Variants in DDX10 observed in about 807,000 individuals in gnomAD.
DDX10 encodes probable ATP-dependent RNA helicase DDX10.
In DDX10, 74 loss-of-function variants were observed where a neutral mutation model predicts 104.3. The observed-to-expected ratio is 0.71, with a 90% CI of 0.59 to 0.86. The LOEUF (loss-of-function observed/expected upper bound fraction) is 0.86, where lower values mean the gene tolerates loss of function less well. Ranked by LOEUF, DDX10 falls within the 40% of genes least tolerant of loss-of-function variation. DDX10 has a pLI of 0.00. For synonymous variants in DDX10, 351 were observed against 353.4 expected, an observed-to-expected ratio of 0.99 and a Z score of 0.08; for missense variants, 952 against 1,040.0, an observed-to-expected ratio of 0.92 and a Z score of 1.16.
intron 13 of DDX10, among the ~76,000 whole-genome samples, chr11:108,806,885 C>T (rs1488869215): frequency 1.3e-5 from 2 of 152,114 alleles, no homozygotes; most frequent in Admixed American, 1.3e-4. Context: ...ATGAGTGGTA[C>T]AAGATGAGGT....
intron 17 of DDX10, among the ~76,000 whole-genome samples, chr11:108,938,017 GA>G (rs1864058169): frequency 6.6e-6 from 1 of 152,116 alleles, no homozygotes; most frequent in Non-Finnish European, 1.5e-5. Context: ...AATTTTGAAG[GA>G]ACCCCCTCAT....
intron 10 of DDX10, among the ~76,000 whole-genome samples, chr11:108,711,208 T>C (rs932466382): frequency 6.6e-6 from 1 of 152,252 alleles, no homozygotes; most frequent in Non-Finnish European, 1.5e-5. Flanking sequence ...CAAAGTTTGC[T>C]AAGTTATTTT....
At chr11:108,822,346 G>C in intron 13 of DDX10, 1 of 364,264 alleles carries the variant, frequency 2.7e-6, no homozygotes, top group South Asian at 2.4e-5. Context: ...CTGATGAGTA[G>C]CGTTTTTGAG....
At position 108,706,816 on chromosome 11, in the gene DDX10, A is replaced by G. The variant is rs764913262; in HGVS notation, c.1301A>G (p.Lys434Arg). 1.2e-6 allele frequency: 2 copies of G among 1,613,984 alleles called. No individual in the cohort carries two copies. Among genetic ancestry groups the G allele is most frequent in the South Asian group, 1.1e-5 (1 of 91,078 alleles). The change falls in exon 10 of 18, where the codon AAA becomes AGA. Residue 434 changes from lysine (K) to arginine (R), a missense_variant. This residue lies in a region of DDX10 where 533 missense variants were observed against 534.1 expected (regional missense o/e 1.00). Transcript: ENST00000322536. ...KAMVQQLLQK[K>R]VPVKEIKINP... ...ATGGTGCAGCAGCTTCTTCAGAAGA[A>G]AGTACCTGTGAAGGAAATCAAGTAA...
chr11:108,746,414 G>T (rs1319935995), intron 13 of DDX10, among the ~76,000 whole-genome samples: 1 of 151,686 alleles, frequency 6.6e-6, no homozygotes, highest in African/African-American at 2.4e-5. Context: ...CCATTGTATG[G>T]ATATATCACT....
intron 11 of DDX10, among the ~76,000 whole-genome samples, chr11:108,716,504 ATTT>A (rs1016489455): frequency 6.6e-6 from 1 of 152,144 alleles, no homozygotes; most frequent in African/African-American, 2.4e-5. Context: ...CTCAAATGTG[ATTT>A]TTTGGATGCA....
chr11:108,675,647 T>C lies in DDX10; in HGVS notation c.299T>C (p.Ile100Thr). 1 of 1,614,148 alleles carries C rather than the reference T, an allele frequency of 6.2e-7. No homozygotes were observed. The highest frequency in any genetic ancestry group is 8.5e-7 in the Non-Finnish European group (1 of 1,179,996). ...GTGACTGAGATACAGAAGCAGACCA[T>C]TGGATTGGCTTTGCAAGGTAAAGAT... ...RLVTEIQKQTIGLALQGKDVL... is the reference protein window; with the variant it reads ...RLVTEIQKQTTGLALQGKDVL... Residue 100 changes from isoleucine to threonine, a missense_variant, in exon 3 of 18, where the codon ATT (isoleucine) becomes ACT (threonine). Around this residue, in one of 3 missense-constraint regions of DDX10, gnomAD observed 412 missense variants for 479.2 expected, o/e 0.86. Transcript: ENST00000322536.
intron 16 of DDX10, among the ~76,000 whole-genome samples, chr11:108,910,986 G>T (rs886789807): frequency 6.6e-6 from 1 of 152,112 alleles, no homozygotes; most frequent in African/African-American, 2.4e-5. Context: ...CATGTTAGGG[G>T]ATCCATAAGG....
In DDX10 at chr11:108,934,086, C is replaced by G. The variant is rs561077469; in HGVS notation, c.2451-6160C>G. ...AAGTGTGCACAATGTGAGGGTAACCCTAAGAGGGCACTTGACTCAGATGAG... is the reference window on the plus strand; with the variant it reads ...AAGTGTGCACAATGTGAGGGTAACCGTAAGAGGGCACTTGACTCAGATGAG... On this transcript the variant is annotated intron_variant, in intron 17 of 17. Coordinates refer to ENST00000322536, the MANE Select transcript of DDX10 (RefSeq NM_004398.4). Among the ~76,000 whole-genome samples the G allele has an allele frequency of 2.0e-5, 3 of 152,240 alleles. No individual in the cohort carries two copies. The East Asian group carries it at 5.8e-4, about 29-fold the overall frequency.
At chr11:108,679,937 T>C (rs1347485276) in intron 6 of DDX10, among the ~76,000 whole-genome samples, 3 of 152,196 alleles carry the variant, frequency 2.0e-5, no homozygotes, top group African/African-American at 4.8e-5. Flanking sequence ...TTCAGGGACA[T>C]TGTGATTGTT....
At chr11:108,882,484 T>A (rs1287823501) in intron 16 of DDX10, among the ~76,000 whole-genome samples, 1 of 152,196 alleles carries the variant, frequency 6.6e-6, no homozygotes, top group African/African-American at 2.4e-5. Flanking sequence ...AGCAATCTGT[T>A]TGACTAAAGA....
At chr11:108,731,360 A>G (rs1242521757) in intron 13 of DDX10, among the ~76,000 whole-genome samples, 1 of 151,784 alleles carries the variant, frequency 6.6e-6, no homozygotes, top group Non-Finnish European at 1.5e-5. Flanking sequence ...CCTTTTTTGA[A>G]CTACCTCACC....
chr11:108,870,550 C>T (rs1003881450), intron 16 of DDX10, among the ~76,000 whole-genome samples: 10 of 152,180 alleles, frequency 6.6e-5, no homozygotes, highest in African/African-American at 2.2e-4. Context: ...TTCTGGCCTT[C>T]GCTCTTGGTA....
chr11:108,872,810 T>C (rs1458284793), intron 16 of DDX10, among the ~76,000 whole-genome samples: 1 of 149,818 alleles, frequency 6.7e-6, no homozygotes. Context: ...ATATGGATGC[T>C]AATTTCCGTT....
chr11:108,728,244 C>T (rs930883244), intron 13 of DDX10, among the ~76,000 whole-genome samples: 1 of 152,084 alleles, frequency 6.6e-6, no homozygotes, highest in Non-Finnish European at 1.5e-5. Context: ...GTGTTTCTCA[C>T]ATCCAGGGCA....
chr11:108,923,013 A>G (rs752799560), intron 17 of DDX10, among the ~76,000 whole-genome samples: 1 of 151,290 alleles, frequency 6.6e-6, no homozygotes, highest in Non-Finnish European at 1.5e-5. Context: ...TGGCTTTTTT[A>G]CTCTTCTTTA....
At chr11:108,880,764 G>A (rs778755511) in intron 16 of DDX10, among the ~76,000 whole-genome samples, 25 of 152,164 alleles carry the variant, frequency 1.6e-4, no homozygotes, top group Non-Finnish European at 3.1e-4. Context: ...GCCCAGACTT[G>A]AGACAGATGT....
chr11:108,682,475 C>G (rs1036074297), intron 6 of DDX10, among the ~76,000 whole-genome samples: 7 of 152,192 alleles, frequency 4.6e-5, no homozygotes, highest in African/African-American at 1.7e-4. Context: ...CATGGTGAAT[C>G]CTTTCCCATC....
chr11:108,818,077 C>T (rs1308192093), intron 13 of DDX10, among the ~76,000 whole-genome samples: 1 of 152,206 alleles, frequency 6.6e-6, no homozygotes, highest in African/African-American at 2.4e-5. Context: ...TCAAGGAAAG[C>T]AACTCTGTGG....
Sources: gnomAD v4.1 joint callset for allele counts (sites outside exome capture counted in the v4.1 genomes callset) on GRCh38, gnomAD v4.1.1 for gene constraint, gnomAD v4.1.1 regional missense constraint, MANE v1.5 for transcripts, NCBI Gene and HGNC (gene_info 2026-07-23, HGNC 2026-07-21) for gene names.